Variants in KCNIP4 observed in about 807,000 individuals in gnomAD.
The protein encoded by KCNIP4 is Kv channel-interacting protein 4.
In KCNIP4, 12 loss-of-function variants were observed where a neutral mutation model predicts 34.0. That is an observed-to-expected ratio of 0.35 (90% CI 0.23 to 0.57). KCNIP4 has a LOEUF of 0.57. Among genes scored for constraint, KCNIP4 ranks in the 20% least tolerant of loss-of-function variants. The pLI is 0.83. For missense variants in KCNIP4, 238 were observed against 311.7 expected (o/e 0.76, Z 1.78); for synonymous variants, 124 against 102.2 (o/e 1.21, Z -1.29).
chr4:21,243,873 G>A (rs115880667), intron 1 of KCNIP4, among the ~76,000 whole-genome samples: 3 of 152,216 alleles, frequency 2.0e-5, no homozygotes, highest in Non-Finnish European at 4.4e-5. Context: ...AAAATTAATG[G>A]TCAGTTTTTT....
chr4:21,267,311 T>C (rs1761872166), intron 1 of KCNIP4, among the ~76,000 whole-genome samples: 1 of 151,854 alleles, frequency 6.6e-6, no homozygotes, highest in East Asian at 1.9e-4. Flanking sequence ...AATACCATGG[T>C]GTTATGTTTG....
intron 1 of KCNIP4, among the ~76,000 whole-genome samples, chr4:21,145,423 A>G (rs1343374436): frequency 6.6e-6 from 1 of 152,168 alleles, no homozygotes; most frequent in Non-Finnish European, 1.5e-5. Context: ...ACCTGAGGAC[A>G]TCTGTATTTT....
intron 1 of KCNIP4, among the ~76,000 whole-genome samples, chr4:21,897,345 C>T (rs1012875551): frequency 1.3e-5 from 2 of 152,118 alleles, no homozygotes; most frequent in Non-Finnish European, 2.9e-5. Flanking sequence ...TTCTAATTTA[C>T]ATACCAACTT....
chr4:21,504,621 T>C (rs1390256032), intron 1 of KCNIP4, among the ~76,000 whole-genome samples: 11 of 152,072 alleles, frequency 7.2e-5, no homozygotes, highest in Non-Finnish European at 1.5e-5. Context: ...GGGCCTTTCT[T>C]TAGGGAGGCT....
intron 1 of KCNIP4, among the ~76,000 whole-genome samples, chr4:21,796,711 T>C (rs868667417): frequency 2.6e-5 from 4 of 152,198 alleles, no homozygotes; most frequent in African/African-American, 4.8e-5. Flanking sequence ...CAAATAGATA[T>C]TATGGATTGG....
At chr4:21,194,058 T>C (rs937476687) in intron 1 of KCNIP4, among the ~76,000 whole-genome samples, 5 of 152,124 alleles carry the variant, frequency 3.3e-5, no homozygotes, top group African/African-American at 7.2e-5. Context: ...TTTCAAAGAT[T>C]ATGAACAATA....
chr4:20,872,475 TA>T (rs1440141285), intron 2 of KCNIP4, among the ~76,000 whole-genome samples: 1 of 152,116 alleles, frequency 6.6e-6, no homozygotes, highest in Non-Finnish European at 1.5e-5. Flanking sequence ...TCTAAGCAGA[TA>T]AAAAAACAAT....
At chr4:21,619,862 G>A (rs1283878679) in intron 1 of KCNIP4, among the ~76,000 whole-genome samples, 7 of 152,184 alleles carry the variant, frequency 4.6e-5, no homozygotes, top group Admixed American at 4.6e-4. Context: ...TGCTTTAGTA[G>A]ATCACAATTG....
At chr4:21,340,528 G>A (rs1410271808) in intron 1 of KCNIP4, among the ~76,000 whole-genome samples, 1 of 151,954 alleles carries the variant, frequency 6.6e-6, no homozygotes, top group East Asian at 1.9e-4. Context: ...CAGCAGTTAT[G>A]GTATAGTACA....
At chr4:20,973,641 T>A (rs1735198876) in intron 1 of KCNIP4, among the ~76,000 whole-genome samples, 1 of 152,230 alleles carries the variant, frequency 6.6e-6, no homozygotes, top group South Asian at 2.1e-4. Context: ...CGTTCCTCAC[T>A]AAGCTTAATA....
chr4:20,850,337 A>G (rs547121233), intron 3 of KCNIP4: 13 of 459,096 alleles, frequency 2.8e-5, no homozygotes, highest in Non-Finnish European at 4.3e-5. Flanking sequence ...TCTTTGTTTA[A>G]TGGGCAATCA....
intron 1 of KCNIP4, among the ~76,000 whole-genome samples, chr4:21,940,731 G>T (rs549194227): frequency 6.6e-6 from 1 of 152,164 alleles, no homozygotes; most frequent in Non-Finnish European, 1.5e-5. Context: ...ATATATTCTC[G>T]CCTTTCTAAA....
intron 1 of KCNIP4, among the ~76,000 whole-genome samples, chr4:21,077,436 G>T (rs144778321): frequency 1.1e-3 from 168 of 152,154 alleles, no homozygotes; most frequent in African/African-American, 3.9e-3. Flanking sequence ...TTATTATAAT[G>T]CTGGTCTTTT....
intron 1 of KCNIP4, among the ~76,000 whole-genome samples, chr4:21,614,538 C>A (rs1560564450): frequency 6.8e-6 from 1 of 147,300 alleles, no homozygotes; most frequent in South Asian, 2.1e-4. Context: ...AATATAGCTT[C>A]TATTTAATGC....
chr4:21,292,414 A>G (rs1465522607), intron 1 of KCNIP4, among the ~76,000 whole-genome samples: 1 of 151,978 alleles, frequency 6.6e-6, no homozygotes, highest in Non-Finnish European at 1.5e-5. Flanking sequence ...TTTTTTCCCT[A>G]TTCTCTCATT....
intron 1 of KCNIP4, among the ~76,000 whole-genome samples, chr4:21,934,844 G>A (rs754647532): frequency 3.4e-4 from 52 of 152,058 alleles, no homozygotes; most frequent in Non-Finnish European, 6.2e-4. Context: ...ACCCCTTTGA[G>A]CCTCAATTTA....
At chr4:21,359,700 T>A (rs1411324649) in intron 1 of KCNIP4, among the ~76,000 whole-genome samples, 1 of 152,144 alleles carries the variant, frequency 6.6e-6, no homozygotes, top group African/African-American at 2.4e-5. Context: ...ATGTTTCCTA[T>A]GGTGAGTTTC....
rs111828882 is a variant in KCNIP4 at position 20,897,964 on chromosome 4, G to A, written c.62-15255C>T. Among the ~76,000 whole-genome samples, 913 of 152,264 alleles carry A rather than the reference G, an allele frequency of 6.0e-3. 12 individuals carry two copies. The highest frequency in any genetic ancestry group is 0.021 in the African/African-American group (872 of 41,558). On this transcript the variant is annotated intron_variant, in intron 1 of 8. Transcript: ENST00000382152. ...AAATATTCTTTCTTGGTGGGTCTGT[G>A]TTTCCAGAAGATAGTAGCATTCAAA...
chr4:21,092,348 C>T (rs1747069474), intron 1 of KCNIP4, among the ~76,000 whole-genome samples: 1 of 151,768 alleles, frequency 6.6e-6, no homozygotes, highest in Non-Finnish European at 1.5e-5. Context: ...CTCTATATTC[C>T]TCAGCAGGAG....
Sources: gnomAD v4.1 joint callset for allele counts (sites outside exome capture counted in the v4.1 genomes callset) on GRCh38, gnomAD v4.1.1 for gene constraint, MANE v1.5 for transcripts, NCBI Gene and HGNC (gene_info 2026-07-23, HGNC 2026-07-21) for gene names.